NECTIN1: variants seen among roughly 807,000 people sequenced by gnomAD.
NECTIN1 encodes nectin cell adhesion molecule 1.
A neutral mutation model predicts 48.0 loss-of-function variants in NECTIN1; 23 were observed. That is an observed-to-expected ratio of 0.48 (90% CI 0.34 to 0.68). NECTIN1 has a LOEUF of 0.68. Among genes scored for constraint, NECTIN1 ranks in the 30% least tolerant of loss-of-function variants. The probability of loss-of-function intolerance (pLI) is 0.01; values close to 1 mark genes in which losing one functional copy is unlikely to be tolerated. For missense variants in NECTIN1, 591 were observed against 709.9 expected, an observed-to-expected ratio of 0.83 and a Z score of 1.90; for synonymous variants, 270 against 288.9, an observed-to-expected ratio of 0.93 and a Z score of 0.66.
At position 119,665,296 on chromosome 11, in the gene NECTIN1, T is replaced by C. The variant is rs551304954; in HGVS notation, c.1005A>G (p.Glu335=). Residue 335 remains glutamate, a splice_region_variant and synonymous_variant, in exon 6 of 6, where the codon GAA becomes GAG. Coordinates refer to ENST00000264025, the MANE Select transcript of NECTIN1 (RefSeq NM_002855.5). The surrounding 1 kb of genome is among the most constrained non-coding windows in gnomAD (Gnocchi z 5.1). Reference sequence around the variant, plus strand: ...CGGGAGGAGACGGGGTGTAGGGGAATTCTGGGTGAGGAAAAGAGATGGAGG... The same window carrying C: ...CGGGAGGAGACGGGGTGTAGGGGAACTCTGGGTGAGGAAAAGAGATGGAGG... The part of the protein sequence containing the change: ...RSGQVEVNIT[E]FPYTPSPPEH... 3.2e-6 allele frequency: 5 copies of C among 1,584,458 alleles called. No homozygotes were observed. Among genetic ancestry groups the C allele is most frequent in the Non-Finnish European group, 4.3e-6 (5 of 1,170,620 alleles).
At chr11:119,642,376 A>AAC (rs1277326403) in intron 5 of NECTIN1, 1 of 152,326 alleles carries the variant, frequency 6.6e-6, no homozygotes, top group Non-Finnish European at 1.5e-5. Context: ...TAGGGAAATG[A>AAC]ACACATACCC....
In NECTIN1 at chr11:119,665,197, C is replaced by T; in HGVS notation, c.1104G>A (p.Leu368=). 6.2e-7 allele frequency: 1 copy of T among 1,608,414 alleles called. No individual in the cohort carries two copies. Among genetic ancestry groups the T allele is most frequent in the South Asian group, 1.1e-5 (1 of 91,076 alleles). The change falls in exon 6 of 6, where the codon TTG becomes TTA. Residue 368 remains leucine, a synonymous_variant. Transcript: ENST00000264025. The surrounding 1 kb of genome is among the most constrained non-coding windows in gnomAD (Gnocchi z 5.1). ...CGACCACGATCCCGCCGACCACAAT[C>T]AACACCAGCAGGATGCTCCCCGCCA... ...GGVAGSILLV[L]IVVGGIVVAL...
intron 1 of NECTIN1, among the ~76,000 whole-genome samples, chr11:119,695,009 T>A (rs1865319573): frequency 6.6e-6 from 1 of 152,124 alleles, no homozygotes; most frequent in Non-Finnish European, 1.5e-5. Context: ...AGGCTCCTAC[T>A]GTCTCTTATC....
chr11:119,699,723 A>G (rs893643229), intron 1 of NECTIN1, among the ~76,000 whole-genome samples: 2 of 152,194 alleles, frequency 1.3e-5, no homozygotes, highest in Non-Finnish European at 2.9e-5. Context: ...TCAGCCTTCC[A>G]AGGCAGGTGT....
rs1214854267 is a variant in NECTIN1, at chr11:119,709,287, C to T, written c.79+19188G>A. Among the ~76,000 whole-genome samples the T allele has an allele frequency of 6.6e-6, 1 of 152,134 alleles. No individual in the cohort carries two copies. The highest frequency in any genetic ancestry group is 1.5e-5 in the Non-Finnish European group (1 of 68,026). On this transcript the variant is annotated intron_variant, in intron 1 of 5. Transcript: ENST00000264025. The surrounding 1 kb of genome is among the most constrained non-coding windows in gnomAD (Gnocchi z 4.1). ...AAATAAGAGACCCCCTCACTCATAT[C>T]CCCAGTGTACCAGGGCCTGTCTCAG...
intron 7 of NECTIN1, chr11:119,638,264 T>C: frequency 6.2e-7 from 1 of 1,613,672 alleles, no homozygotes; most frequent in Non-Finnish European, 8.5e-7. Context: ...GAGAAGGCGG[T>C]GAGTGCTGCA....
intron 1 of NECTIN1, among the ~76,000 whole-genome samples, chr11:119,716,377 A>G (rs972735585): frequency 2.2e-4 from 33 of 152,202 alleles, no homozygotes; most frequent in Middle Eastern, 6.8e-3. Context: ...AGCGGTGCGA[A>G]GGCTTTCCCT....
chr11:119,647,094 G>A (rs1864404794), intron 5 of NECTIN1, among the ~76,000 whole-genome samples: 1 of 150,872 alleles, frequency 6.6e-6, no homozygotes, highest in South Asian at 2.1e-4. Flanking sequence ...ACCATCCATG[G>A]GCCACACACC....
chr11:119,646,176 T>G (rs1322893534), intron 5 of NECTIN1, among the ~76,000 whole-genome samples: 1 of 152,248 alleles, frequency 6.6e-6, no homozygotes, highest in Non-Finnish European at 1.5e-5. Context: ...GAATTTGCTC[T>G]GGTTCTGAAC....
chr11:119,644,738 G>T (rs1009639155), intron 5 of NECTIN1, among the ~76,000 whole-genome samples: 7 of 152,200 alleles, frequency 4.6e-5, no homozygotes, highest in Admixed American at 2.6e-4. Context: ...AACATTGTAG[G>T]CAGAGTGAGG....
At chr11:119,657,939 A>AC (rs1477855074), downstream of NECTIN1, among the ~76,000 whole-genome samples, 1 of 145,464 alleles carries the variant, frequency 6.9e-6, no homozygotes, top group African/African-American at 2.7e-5. Flanking sequence ...AAAAAAAAAA[A>AC]AAGTCTGTCT....
In NECTIN1 at chr11:119,669,356, A is replaced by G. The variant is rs529622617; in HGVS notation, c.1004-4059T>C. 2.0e-5 allele frequency among the ~76,000 whole-genome samples: 3 copies of G among 150,390 alleles called. No individual in the cohort carries two copies. In the East Asian group the frequency reaches 5.9e-4, roughly 30 times the overall value. On this transcript the variant is annotated intron_variant, in intron 5 of 5. Coordinates refer to ENST00000264025, the MANE Select transcript of NECTIN1 (RefSeq NM_002855.5). ...GAGCTGGGAGGTGGAGGTTGCAGTG[A>G]GCCAAGTTTGTGCCATTGCACTCCA...
chr11:119,667,992 C>G (rs1864803208), intron 5 of NECTIN1, among the ~76,000 whole-genome samples: 1 of 152,224 alleles, frequency 6.6e-6, no homozygotes, highest in South Asian at 2.1e-4. Flanking sequence ...CTCGTGCACA[C>G]TGTGAACTAC....
At chr11:119,720,047 G>A (rs908053610) in intron 1 of NECTIN1, among the ~76,000 whole-genome samples, 5 of 152,184 alleles carry the variant, frequency 3.3e-5, no homozygotes, top group Admixed American at 6.5e-5. Context: ...GGCAGTGGGG[G>A]ACCAGTTAGG....
At chr11:119,667,625 C>A (rs566551395) in intron 5 of NECTIN1, among the ~76,000 whole-genome samples, 1 of 152,148 alleles carries the variant, frequency 6.6e-6, no homozygotes, top group African/African-American at 2.4e-5. Flanking sequence ...ATGTCCCTTG[C>A]CTTCCCATAC....
At chr11:119,707,029 T>C (rs1208111754) in intron 1 of NECTIN1, among the ~76,000 whole-genome samples, 1 of 152,174 alleles carries the variant, frequency 6.6e-6, no homozygotes, top group Admixed American at 6.5e-5. Context: ...TTAGAATCTA[T>C]CATTTGCCTT....
intron 1 of NECTIN1, among the ~76,000 whole-genome samples, chr11:119,707,013 G>A (rs1041286350): frequency 6.6e-6 from 1 of 152,202 alleles, no homozygotes; most frequent in Non-Finnish European, 1.5e-5. Flanking sequence ...TGAGGAAGGA[G>A]AGGGGTTAGA....
At chr11:119,668,847 G>T (rs906689763) in intron 5 of NECTIN1, among the ~76,000 whole-genome samples, 1 of 152,190 alleles carries the variant, frequency 6.6e-6, no homozygotes, top group African/African-American at 2.4e-5. Context: ...TCTTCTGCAG[G>T]AATGAGGACA....
intron 1 of NECTIN1, among the ~76,000 whole-genome samples, chr11:119,701,747 G>A (rs935821277): frequency 2.0e-5 from 3 of 152,252 alleles, no homozygotes; most frequent in South Asian, 4.2e-4. Flanking sequence ...TTTCCTTCCC[G>A]GTGCTTTATT....
Sources: allele counts gnomAD v4.1 joint callset (sites outside exome capture counted in the v4.1 genomes callset), GRCh38; gene constraint gnomAD v4.1.1; non-coding constraint Gnocchi (gnomAD v3.1); transcripts MANE v1.5; gene names NCBI Gene and HGNC (gene_info 2026-07-23, HGNC 2026-07-21).